The following RAI1 variants were observed in gnomAD, a reference collection of about 807,000 sequenced individuals.
The protein encoded by RAI1 is retinoic acid-induced protein 1.
RAI1 carries 9 observed loss-of-function variants against 123.8 expected under a neutral mutation model. The observed-to-expected ratio is 0.07, with a 90% CI of 0.04 to 0.13. The LOEUF (loss-of-function observed/expected upper bound fraction) is 0.13, where lower values mean the gene tolerates loss of function less well. Among genes scored for constraint, RAI1 ranks in the 10% least tolerant of loss-of-function variants. The probability of loss-of-function intolerance (pLI) is 1.00; values close to 1 mark genes in which losing one functional copy is unlikely to be tolerated. For missense variants in RAI1, 2,256 were observed against 2,545.8 expected, an observed-to-expected ratio of 0.89 and a Z score of 2.45; for synonymous variants, 1,231 against 1,127.3, an observed-to-expected ratio of 1.09 and a Z score of -1.84.
chr17:17,745,500 G>A (rs2029884322), intron 2 of RAI1, among the ~76,000 whole-genome samples: 1 of 151,808 alleles, frequency 6.6e-6, no homozygotes, highest in South Asian at 2.1e-4. Flanking sequence ...CACGATCTCG[G>A]CTCACCGCAA....
chr17:17,683,848 C>T (rs1173768975), intron 1 of RAI1: 1 of 152,156 alleles, frequency 6.6e-6, no homozygotes, highest in Non-Finnish European at 1.5e-5. Flanking sequence ...CTGTGGGGCT[C>T]TCATAGGCAG....
intron 2 of RAI1, among the ~76,000 whole-genome samples, chr17:17,775,740 G>T (rs962588647): frequency 6.6e-6 from 1 of 152,142 alleles, no homozygotes; most frequent in Admixed American, 6.5e-5. Flanking sequence ...GGAGGGTCTT[G>T]CTGTCTCGGG....
rs143176806 is a variant in RAI1 at position 17,721,177 on chromosome 17, C to T, written c.-148-2851C>T. On this transcript the variant is annotated intron_variant, in intron 1 of 5. Coordinates refer to ENST00000353383, the MANE Select transcript of RAI1 (RefSeq NM_030665.4). ...CTGATGTTCTCCATGCTCCACCCCA[C>T]CCCCATTTTATCCAGGGGAACTGTT... Among the ~76,000 whole-genome samples, 93 of 152,260 alleles carry T rather than the reference C, an allele frequency of 6.1e-4. No individual in the cohort carries two copies. In the Middle Eastern group the frequency reaches 0.014, roughly 22 times the overall value.
intron 2 of RAI1, among the ~76,000 whole-genome samples, chr17:17,743,963 G>C (rs1354642506): frequency 6.6e-6 from 1 of 152,280 alleles, no homozygotes; most frequent in Non-Finnish European, 1.5e-5. Context: ...ATGGAGGGGA[G>C]ACCAGCAGGA....
chr17:17,723,399 A>G (rs1428985404), intron 1 of RAI1, among the ~76,000 whole-genome samples: 2 of 144,410 alleles, frequency 1.4e-5, no homozygotes, highest in Admixed American at 7.1e-5. Flanking sequence ...ATACAGCCAC[A>G]TTGATACACA....
chr17:17,778,499 C>T (rs1232327919), intron 2 of RAI1: 2 of 345,950 alleles, frequency 5.8e-6, no homozygotes, highest in Admixed American at 3.8e-5. Flanking sequence ...AAGTAAACTG[C>T]CCAAGGTCAC....
At chr17:17,705,565 CAAA>C (rs1915366255) in intron 1 of RAI1, among the ~76,000 whole-genome samples, 1 of 151,794 alleles carries the variant, frequency 6.6e-6, no homozygotes, top group South Asian at 2.1e-4. Context: ...AAAACAAAAA[CAAA>C]AACAAAAACG....
At chr17:17,737,052 G>A (rs545752038) in intron 2 of RAI1, among the ~76,000 whole-genome samples, 46 of 152,284 alleles carry the variant, frequency 3.0e-4, no homozygotes, top group Non-Finnish European at 5.4e-4. Flanking sequence ...TGAAGATGAC[G>A]GGGAATATTT....
chr17:17,783,650 G>A (rs1215338187), intron 2 of RAI1, among the ~76,000 whole-genome samples: 4 of 152,134 alleles, frequency 2.6e-5, no homozygotes, highest in Admixed American at 2.6e-4. Context: ...TCGCGCTGGG[G>A]CGCGCGCCCG....
Position 17,809,874 on chromosome 17 carries a change from G to T in RAI1, c.5710-96G>T, listed in dbSNP as rs1387713157. 2.6e-6 allele frequency: 4 copies of T among 1,535,202 alleles called. No homozygotes were observed. The highest frequency in any genetic ancestry group is 3.5e-6 in the Non-Finnish European group (4 of 1,136,334). On this transcript the variant is annotated intron_variant, in intron 5 of 5. Transcript: ENST00000353383. This position sits in a 1 kb window ranked among gnomAD's most constrained non-coding sequence, Gnocchi z 4.9. ...CCAGCCGCGCTCTGGGGTCGCCTGG[G>T]TCTGGGGCTTAGGCGGGGGGCCCAC...
chr17:17,755,911 C>A (rs1441762058), intron 2 of RAI1, among the ~76,000 whole-genome samples: 2 of 152,244 alleles, frequency 1.3e-5, no homozygotes, highest in Non-Finnish European at 2.9e-5. Context: ...ATCCCCAACC[C>A]TCTCCCTTTA....
At chr17:17,806,857 C>T (rs2032603252) in intron 4 of RAI1, among the ~76,000 whole-genome samples, 1 of 152,162 alleles carries the variant, frequency 6.6e-6, no homozygotes, top group African/African-American at 2.4e-5. Flanking sequence ...TGCAGGCCAC[C>T]TGGGGTGAGC....
intron 2 of RAI1, among the ~76,000 whole-genome samples, chr17:17,727,011 G>A (rs1916113620): frequency 6.6e-6 from 1 of 152,078 alleles, no homozygotes; most frequent in Admixed American, 6.5e-5. Context: ...TTCCCCTTTT[G>A]TCCAACATTC....
At chr17:17,788,140 G>C (rs1271962695) in intron 2 of RAI1, among the ~76,000 whole-genome samples, 2 of 152,156 alleles carry the variant, frequency 1.3e-5, no homozygotes, top group Admixed American at 6.5e-5. Context: ...AGCATGGGGG[G>C]GCCATGAATG....
intron 1 of RAI1, among the ~76,000 whole-genome samples, chr17:17,683,174 C>A (rs1336046540): frequency 6.6e-6 from 1 of 152,216 alleles, no homozygotes; most frequent in Non-Finnish European, 1.5e-5. Context: ...CTGTTAAGAC[C>A]TCGCGCTGAC....
intron 1 of RAI1, among the ~76,000 whole-genome samples, chr17:17,699,915 C>G (rs1915161618): frequency 6.6e-6 from 1 of 152,182 alleles, no homozygotes; most frequent in African/African-American, 2.4e-5. Context: ...TGTCGAGGTT[C>G]AAAGCTCACT....
At chr17:17,733,383 G>T (rs1916330228) in intron 2 of RAI1, among the ~76,000 whole-genome samples, 1 of 152,208 alleles carries the variant, frequency 6.6e-6, no homozygotes. Context: ...AATGCTTGGG[G>T]AATAATACCA....
In RAI1 at chr17:17,810,062, C is replaced by G; in HGVS notation, c.*81C>G. 6.5e-7 allele frequency: 1 copy of G among 1,526,872 alleles called. No individual in the cohort carries two copies. Among genetic ancestry groups the G allele is most frequent in the Admixed American group, 2.0e-5 (1 of 49,538 alleles). The allele number at this position is 1,526,872 out of a possible 1,614,324, so 94.6% of individuals were successfully genotyped here. A position where few individuals can be genotyped will look rare whatever the true frequency, so the allele number is the denominator to read the frequency against. On this transcript the variant is annotated 3_prime_UTR_variant, in exon 6 of 6. Transcript: ENST00000353383. This position sits in a 1 kb window ranked among gnomAD's most constrained non-coding sequence, Gnocchi z 4.6. ...GAAGGAGAGGAGCCGCCTGCGCAGC[C>G]CCCGGGCCTTTGAGCTGCTCCCAGC...
chr17:17,716,120 C>T (rs1178941451), intron 1 of RAI1, among the ~76,000 whole-genome samples: 1 of 152,240 alleles, frequency 6.6e-6, no homozygotes, highest in Non-Finnish European at 1.5e-5. Flanking sequence ...CTTGAGAGGT[C>T]TTCACCCAGC....
Sources: gnomAD v4.1 joint callset for allele counts (sites outside exome capture counted in the v4.1 genomes callset) on GRCh38, gnomAD v4.1.1 for gene constraint, Gnocchi (gnomAD v3.1) non-coding constraint, MANE v1.5 for transcripts, NCBI Gene and HGNC (gene_info 2026-07-23, HGNC 2026-07-21) for gene names.